The following AFF2 variants were observed in gnomAD, a reference collection of about 807,000 sequenced individuals.
The protein encoded by AFF2 is ALF transcription elongation factor 2.
In AFF2, 14 loss-of-function variants were observed where a neutral mutation model predicts 76.9. The observed-to-expected ratio is 0.18, with a 90% CI of 0.12 to 0.28. AFF2 has a LOEUF of 0.28. Ranked by LOEUF, AFF2 falls within the 10% of genes least tolerant of loss-of-function variation. The pLI, the probability that AFF2 is intolerant of heterozygous loss-of-function variation, is 1.00. For synonymous variants in AFF2, 398 were observed against 366.7 expected, an observed-to-expected ratio of 1.09 and a Z score of -0.98; for missense variants, 868 against 1,001.1, an observed-to-expected ratio of 0.87 and a Z score of 1.79.
rs2072122157 is a variant in AFF2, at chrX:148,962,590, C to T, written c.2691-125C>T. 4 of 514,822 alleles carry T rather than the reference C, an allele frequency of 7.8e-6. No homozygotes were observed. The South Asian group carries it at 1.3e-4, about 17-fold the overall frequency. 42.4% of individuals were successfully genotyped at this position (514,822 alleles called of 1,213,427 possible). A position where few individuals can be genotyped will look rare whatever the true frequency, so the allele number is the denominator to read the frequency against. ...GTCTATATGCATTTTTAGATATGCTCTTCACCATAGGTAGAGGGACAGCAA... is the reference window on the plus strand; with the variant it reads ...GTCTATATGCATTTTTAGATATGCTTTTCACCATAGGTAGAGGGACAGCAA... On this transcript the variant is annotated intron_variant, in intron 12 of 20. Transcript: ENST00000370460.
chrX:148,716,981 A>G (rs2055031083), intron 3 of AFF2, among the ~76,000 whole-genome samples: 2 of 112,255 alleles, frequency 1.8e-5, no homozygotes, highest in Non-Finnish European at 1.9e-5. Flanking sequence ...TGCTAGAGGA[A>G]AAAAAGGAAA....
At chrX:148,758,231 G>C (rs2069398053) in intron 3 of AFF2, among the ~76,000 whole-genome samples, 1 of 112,269 alleles carries the variant, frequency 8.9e-6, no homozygotes, top group African/African-American at 3.2e-5. Flanking sequence ...GAGGCCAAAT[G>C]TTAGCTTGGA....
intron 3 of AFF2, among the ~76,000 whole-genome samples, chrX:148,806,493 G>A (rs1557271353): frequency 9.0e-6 from 1 of 111,720 alleles, no homozygotes. Context: ...ACTTAAATCA[G>A]ACCTCCTGTT....
intron 7 of AFF2, among the ~76,000 whole-genome samples, chrX:148,860,030 G>T (rs929489407): frequency 2.2e-4 from 24 of 111,213 alleles, no homozygotes; most frequent in African/African-American, 6.8e-4. Flanking sequence ...AAAAGGAGAA[G>T]TATTTTTTTA....
rs2072625885 is a variant in AFF2, at chrX:148,997,986, C to T, written c.*6654C>T. 1 of 112,497 alleles carries T rather than the reference C, an allele frequency of 8.9e-6. No homozygotes were observed. The highest frequency in any genetic ancestry group is 3.2e-5 in the African/African-American group (1 of 30,983). 9.3% of individuals were successfully genotyped at this position (112,497 alleles called of 1,213,427 possible). ...TGAGATAAAATCCCTCACATTTACT[C>T]AATATAACAAATTACTGTTTCTACT... On this transcript the variant is annotated 3_prime_UTR_variant, in exon 21 of 21. Coordinates refer to ENST00000370460, the MANE Select transcript of AFF2 (RefSeq NM_002025.4).
rs188716892 is a variant in AFF2 at position 148,986,196 on chromosome X, A to C, written c.3624-1171A>C. ...TGAAGAGATTCTTTCAAACATGCAG[A>C]CTCATGGAGTCCTAAAGACATCTTC... On this transcript the variant is annotated intron_variant, in intron 19 of 20. Coordinates refer to ENST00000370460, the MANE Select transcript of AFF2 (RefSeq NM_002025.4). Among the ~76,000 whole-genome samples the C allele has an allele frequency of 2.5e-3, 282 of 111,345 alleles. 1 individual carries two copies. The highest frequency in any genetic ancestry group is 0.019 in the Middle Eastern group (4 of 216).
chrX:148,740,988 C>T (rs2055344100), intron 3 of AFF2, among the ~76,000 whole-genome samples: 1 of 112,050 alleles, frequency 8.9e-6, no homozygotes, highest in African/African-American at 3.2e-5. Flanking sequence ...GCACAGAGTC[C>T]TGTGATGTGA....
chrX:148,500,921 A>C lies in AFF2; in HGVS notation c.-177A>C, dbSNP rs1557231698. ...TGCCGCCGCTTCCTCGCCGGAGCAC[A>C]GGACCAGACACCTCCAGCGCCCGCT... On this transcript the variant is annotated 5_prime_UTR_variant, in exon 1 of 21. Coordinates refer to ENST00000370460, the MANE Select transcript of AFF2 (RefSeq NM_002025.4). 1.9e-6 allele frequency: 1 copy of C among 518,125 alleles called. No individual in the cohort carries two copies. Among genetic ancestry groups the C allele is most frequent in the African/African-American group, 2.6e-5 (1 of 39,080 alleles). 42.7% of individuals were successfully genotyped at this position (518,125 alleles called of 1,213,427 possible). A position where few individuals can be genotyped will look rare whatever the true frequency, so the allele number is the denominator to read the frequency against.
intron 3 of AFF2, 127 bp from the exon 4 acceptor site, chrX:148,809,749 T>A: frequency 1.5e-6 from 1 of 653,791 alleles, no homozygotes; most frequent in East Asian, 3.5e-5. Context: ...GCAGATATTC[T>A]TTTGTATTTA....
At chrX:148,516,739 C>G (rs1177821155) in intron 1 of AFF2, among the ~76,000 whole-genome samples, 1 of 111,491 alleles carries the variant, frequency 9.0e-6, no homozygotes, top group Admixed American at 9.5e-5. Context: ...GGATTTGAAC[C>G]CTGGCACTGT....
intron 1 of AFF2, among the ~76,000 whole-genome samples, chrX:148,640,867 A>C (rs1281270752): frequency 9.1e-6 from 1 of 110,246 alleles, no homozygotes; most frequent in Middle Eastern, 4.2e-3. Flanking sequence ...TCTCTTGTTC[A>C]CTCTTCCATG....
At chrX:148,505,644 A>G (rs2052403825) in intron 1 of AFF2, among the ~76,000 whole-genome samples, 1 of 111,675 alleles carries the variant, frequency 9.0e-6, no homozygotes, top group African/African-American at 3.3e-5. Flanking sequence ...TATTTAACAT[A>G]ATTTCAAAAT....
Position 148,890,697 on chromosome X carries a change from G to A in AFF2, c.1359+4712G>A, listed in dbSNP as rs150791719. 3.4e-3 allele frequency among the ~76,000 whole-genome samples: 379 copies of A among 111,934 alleles called. 1 individual carries two copies. The highest frequency in any genetic ancestry group is 0.011 in the African/African-American group (348 of 30,853). ...TCTCCAAAAGAGTTTTTCTTCCAAG[G>A]ATTGGCGTGGGTGGAGAGTTGATTC... On this transcript the variant is annotated intron_variant, in intron 8 of 20. Coordinates refer to ENST00000370460, the MANE Select transcript of AFF2 (RefSeq NM_002025.4).
rs144008433 is a variant in AFF2, at chrX:148,961,068, G to T, written c.2691-1647G>T. Among the ~76,000 whole-genome samples, 688 of 112,062 alleles carry T rather than the reference G, an allele frequency of 6.1e-3. 4 individuals carry two copies. The highest frequency in any genetic ancestry group is 0.022 in the African/African-American group (666 of 30,858). ...ACTGTACAGAATGCACTGAATCCCC[G>T]CTGGTTGCTTTAGTGGCAGACAGGC... On this transcript the variant is annotated intron_variant, in intron 12 of 20. Transcript: ENST00000370460.
chrX:148,689,712 G>T (rs919626347), intron 3 of AFF2, among the ~76,000 whole-genome samples: 11 of 111,946 alleles, frequency 9.8e-5, no homozygotes. Flanking sequence ...CCCAGTGAAT[G>T]ATATTATAAC....
chrX:148,645,501 T>C (rs935282293), intron 1 of AFF2, among the ~76,000 whole-genome samples: 3 of 112,148 alleles, frequency 2.7e-5, no homozygotes, highest in Non-Finnish European at 5.6e-5. Context: ...CTTAAAGCTT[T>C]CTACCTGGGA....
chrX:148,563,497 G>A, intron 1 of AFF2, among the ~76,000 whole-genome samples: 1 of 111,444 alleles, frequency 9.0e-6, no homozygotes, highest in Non-Finnish European at 1.9e-5. Context: ...GATCCTGTGT[G>A]TGTGTGTGCA....
intron 1 of AFF2, among the ~76,000 whole-genome samples, chrX:148,607,436 A>G (rs2053682995): frequency 9.0e-6 from 1 of 111,114 alleles, no homozygotes; most frequent in Admixed American, 9.6e-5. Context: ...GGTTTTATAA[A>G]GGGCAGTTCC....
intron 4 of AFF2, among the ~76,000 whole-genome samples, chrX:148,833,789 A>ATTAC (rs2070485959): frequency 1.8e-5 from 2 of 111,079 alleles, no homozygotes; most frequent in Non-Finnish European, 3.8e-5. Context: ...AGACCAACCA[A>ATTAC]TTACTTACTA....
Sources: allele counts gnomAD v4.1 joint callset (sites outside exome capture counted in the v4.1 genomes callset), GRCh38; gene constraint gnomAD v4.1.1; transcripts MANE v1.5; gene names NCBI Gene and HGNC (gene_info 2026-07-23, HGNC 2026-07-21).